NPNT: variants seen among roughly 807,000 people sequenced by gnomAD.
NPNT encodes preosteoblast EGF-like repeat protein with MAM domain.
A neutral mutation model predicts 68.6 loss-of-function variants in NPNT; 45 were observed. The observed-to-expected ratio is 0.66, with a 90% CI of 0.52 to 0.84. The LOEUF is 0.84. Among genes scored for constraint, NPNT ranks in the 40% least tolerant of loss-of-function variants. The pLI, the probability that NPNT is intolerant of heterozygous loss-of-function variation, is 0.00. For synonymous variants in NPNT, 233 were observed against 253.3 expected, an observed-to-expected ratio of 0.92 and a Z score of 0.76; for missense variants, 672 against 714.8, an observed-to-expected ratio of 0.94 and a Z score of 0.68.
chr4:105,927,530 A>C, intron 3 of NPNT, 102 bp downstream of exon 3: 1 of 556,196 alleles, frequency 1.8e-6, no homozygotes, highest in South Asian at 3.2e-5. Flanking sequence ...CTATTTTTCC[A>C]AAATATGTGA....
chr4:105,932,155 G>A (rs1729164419), intron 3 of NPNT, among the ~76,000 whole-genome samples: 1 of 152,028 alleles, frequency 6.6e-6, no homozygotes, highest in Admixed American at 6.6e-5. Context: ...TAATTTTGGA[G>A]TATTTTAAAC....
chr4:105,942,726 A>C, intron 8 of NPNT, 24 bp downstream of exon 8: 1 of 1,567,638 alleles, frequency 6.4e-7, no homozygotes, highest in Middle Eastern at 1.7e-4. Context: ...ATGTTAGCAC[A>C]TTTTCAATAG....
At chr4:105,966,006 G>A (rs7680832) in intron 10 of NPNT, among the ~76,000 whole-genome samples, 66,629 of 146,004 alleles carry the variant, frequency 0.46, 17,229 homozygotes, top group East Asian at 0.78. Flanking sequence ...GAGCTCCGAC[G>A]GGACTTGTTA....
chr4:105,934,374 A>G (rs1270656361), intron 3 of NPNT, among the ~76,000 whole-genome samples: 2 of 152,214 alleles, frequency 1.3e-5, no homozygotes, highest in African/African-American at 2.4e-5. Context: ...GCTTCTCACC[A>G]GGATGCCAGA....
At chr4:105,953,880 G>A (rs1731018083) in intron 8 of NPNT, among the ~76,000 whole-genome samples, 1 of 152,174 alleles carries the variant, frequency 6.6e-6, no homozygotes, top group African/African-American at 2.4e-5. Context: ...CTATGAAACA[G>A]GAAGAGAATT....
intron 8 of NPNT, among the ~76,000 whole-genome samples, chr4:105,955,688 TC>T (rs1480878550): frequency 3.3e-5 from 5 of 149,500 alleles, no homozygotes; most frequent in African/African-American, 5.1e-5. Flanking sequence ...CCCTCTTTAG[TC>T]CTTTTTTTTT....
chr4:105,914,143 T>G, intron 2 of NPNT, among the ~76,000 whole-genome samples: 1 of 151,266 alleles, frequency 6.6e-6, no homozygotes, highest in Middle Eastern at 3.2e-3. Context: ...GAAAGAATCA[T>G]TTCCTGCTGA....
chr4:105,915,178 T>C (rs1170244592), intron 2 of NPNT, among the ~76,000 whole-genome samples: 1 of 152,252 alleles, frequency 6.6e-6, no homozygotes, highest in African/African-American at 2.4e-5. Context: ...CTTAAGTAGC[T>C]GGCCCATTTG....
chr4:105,968,422 G>T (rs1732342929), intron 11 of NPNT, among the ~76,000 whole-genome samples: 1 of 152,218 alleles, frequency 6.6e-6, no homozygotes, highest in African/African-American at 2.4e-5. Flanking sequence ...CATAGGTAAA[G>T]CAACAGTGTG....
At chr4:105,897,177 G>A (rs1348223693) in intron 1 of NPNT, among the ~76,000 whole-genome samples, 1 of 152,178 alleles carries the variant, frequency 6.6e-6, no homozygotes, top group Non-Finnish European at 1.5e-5. Context: ...CGTGTAATCA[G>A]GTGGATAAAT....
intron 2 of NPNT, among the ~76,000 whole-genome samples, chr4:105,923,290 C>G (rs1728399378): frequency 6.6e-6 from 1 of 151,786 alleles, no homozygotes; most frequent in Non-Finnish European, 1.5e-5. Flanking sequence ...ACTTTCTAAT[C>G]TAGTTATTTA....
At chr4:105,903,941 C>T (rs1221403028) in intron 2 of NPNT, among the ~76,000 whole-genome samples, 1 of 151,954 alleles carries the variant, frequency 6.6e-6, no homozygotes, top group Non-Finnish European at 1.5e-5. Context: ...TGAGCGACCA[C>T]ACCTGGATAA....
At chr4:105,917,020 C>T (rs1255019993) in intron 2 of NPNT, among the ~76,000 whole-genome samples, 1 of 152,146 alleles carries the variant, frequency 6.6e-6, no homozygotes, top group Non-Finnish European at 1.5e-5. Context: ...TTCACTCTTG[C>T]TTTAGATTCT....
At chr4:105,961,121 T>C (rs994494426) in intron 10 of NPNT, among the ~76,000 whole-genome samples, 2 of 152,206 alleles carry the variant, frequency 1.3e-5, no homozygotes, top group African/African-American at 4.8e-5. Flanking sequence ...ACCTGTTTCC[T>C]AAGGCCACAG....
intron 3 of NPNT, among the ~76,000 whole-genome samples, chr4:105,935,008 T>C (rs1213155387): frequency 6.6e-6 from 1 of 152,192 alleles, no homozygotes; most frequent in Non-Finnish European, 1.5e-5. Flanking sequence ...TCAGGTTTAG[T>C]TCAGGGACAT....
At chr4:105,967,808 A>G (rs562585456) in intron 11 of NPNT, among the ~76,000 whole-genome samples, 1 of 151,896 alleles carries the variant, frequency 6.6e-6, no homozygotes, top group East Asian at 1.9e-4. Flanking sequence ...TTTCCTTTTA[A>G]TTCCTTAGAT....
intron 3 of NPNT, chr4:105,932,588 C>T (rs1226806998): frequency 6.0e-6 from 9 of 1,501,976 alleles, no homozygotes; most frequent in Middle Eastern, 1.7e-4. Context: ...AAAGTTGACT[C>T]TTATTACCTT....
intron 2 of NPNT, among the ~76,000 whole-genome samples, chr4:105,914,371 C>CTATATATATATAATA (rs1247136383): frequency 7.8e-6 from 1 of 128,944 alleles, no homozygotes; most frequent in Non-Finnish European, 1.6e-5. Context: ...CTCTCTCTCT[C>CTATATATATATAATA]TCTATATATA....
intron 2 of NPNT, among the ~76,000 whole-genome samples, chr4:105,899,144 A>G (rs900378490): frequency 2.0e-5 from 3 of 152,162 alleles, no homozygotes; most frequent in African/African-American, 7.2e-5. Flanking sequence ...GTCTTCCTTA[A>G]TTTTGTGAAA....
Sources: gnomAD v4.1 joint callset for allele counts (sites outside exome capture counted in the v4.1 genomes callset) on GRCh38, gnomAD v4.1.1 for gene constraint, MANE v1.5 for transcripts, NCBI Gene and HGNC (gene_info 2026-07-23, HGNC 2026-07-21) for gene names.